DPP6: variants seen among roughly 807,000 people sequenced by gnomAD.
DPP6 encodes the protein dipeptidyl peptidase like 6.
A neutral mutation model predicts 122.6 loss-of-function variants in DPP6; 69 were observed. The ratio of observed to expected loss-of-function variants is 0.56; its 90% CI spans 0.46 to 0.69. The LOEUF (loss-of-function observed/expected upper bound fraction) is 0.69, where lower values mean the gene tolerates loss of function less well. Among genes scored for constraint, DPP6 ranks in the 30% least tolerant of loss-of-function variants. DPP6 has a pLI of 0.00. For missense variants in DPP6, 928 were observed against 1,116.9 expected, an observed-to-expected ratio of 0.83 and a Z score of 2.41; for synonymous variants, 418 against 433.1, an observed-to-expected ratio of 0.97 and a Z score of 0.43.
intron 1 of DPP6, among the ~76,000 whole-genome samples, chr7:154,353,224 A>G (rs1811014652): frequency 6.6e-6 from 1 of 152,228 alleles, no homozygotes; most frequent in African/African-American, 2.4e-5. Flanking sequence ...GGATTTGCTT[A>G]CTATTCAGTG....
At chr7:154,067,848 G>A (rs111317026) in intron 1 of DPP6, among the ~76,000 whole-genome samples, 9,691 of 150,220 alleles carry the variant, frequency 0.065, 1,022 homozygotes, top group African/African-American at 0.23. Flanking sequence ...GGGCTCAAGC[G>A]ATCTTCCTGC....
intron 1 of DPP6, among the ~76,000 whole-genome samples, chr7:154,184,497 C>G (rs183741921): frequency 6.6e-6 from 1 of 151,778 alleles, no homozygotes; most frequent in Non-Finnish European, 1.5e-5. Flanking sequence ...ACGTTGCTTC[C>G]GACACTGGTC....
At chr7:153,944,223 G>A (rs61456764) in intron 1 of DPP6, among the ~76,000 whole-genome samples, 2,941 of 152,276 alleles carry the variant, frequency 0.019, 91 homozygotes, top group African/African-American at 0.067. Flanking sequence ...TGTGTGCTCC[G>A]GCCCACCCTC....
chr7:154,677,542 C>T (rs1314080249), intron 7 of DPP6, among the ~76,000 whole-genome samples: 1 of 152,224 alleles, frequency 6.6e-6, no homozygotes, highest in Non-Finnish European at 1.5e-5. Flanking sequence ...AGAGCTTGCG[C>T]TTGAAACTCC....
chr7:154,653,975 G>GA (rs199798026), intron 6 of DPP6, among the ~76,000 whole-genome samples: 12 of 22,958 alleles, frequency 5.2e-4, no homozygotes, highest in Non-Finnish European at 1.8e-3. Context: ...CAAATACCTG[G>GA]AAAAAAAAAA....
the DPP6 span, among the ~76,000 whole-genome samples, chr7:153,826,273 G>T: frequency 6.6e-6 from 1 of 152,180 alleles, no homozygotes; most frequent in Non-Finnish European, 1.5e-5. Flanking sequence ...TTGGGAATGG[G>T]CCTCATAGGT....
intron 5 of DPP6, among the ~76,000 whole-genome samples, chr7:154,580,050 G>C (rs1378624085): frequency 6.6e-6 from 1 of 152,060 alleles, no homozygotes; most frequent in East Asian, 1.9e-4. Context: ...TGGGCAGGCT[G>C]AGTTTCCCGC....
At chr7:154,692,811 T>C (rs1392003368) in intron 7 of DPP6, among the ~76,000 whole-genome samples, 1 of 149,820 alleles carries the variant, frequency 6.7e-6, no homozygotes, top group Non-Finnish European at 1.5e-5. Context: ...AGACAGGGTC[T>C]CACTCTGTCA....
chr7:154,166,356 C>G (rs1407631268), intron 1 of DPP6, among the ~76,000 whole-genome samples: 5 of 152,120 alleles, frequency 3.3e-5, no homozygotes, highest in Admixed American at 3.3e-4. Context: ...CACCCGTGAG[C>G]CATCCTTCTC....
At chr7:154,362,461 C>T (rs1395955532) in intron 1 of DPP6, among the ~76,000 whole-genome samples, 1 of 152,156 alleles carries the variant, frequency 6.6e-6, no homozygotes, top group Admixed American at 6.5e-5. Context: ...GTTGCCCAGA[C>T]TGGAATGCAG....
intron 2 of DPP6, among the ~76,000 whole-genome samples, chr7:154,456,614 A>G (rs1397830710): frequency 6.6e-6 from 1 of 152,144 alleles, no homozygotes. Context: ...GATCCTGTTA[A>G]TGTTTTCTTT....
chr7:154,614,315 A>G (rs906752806), intron 5 of DPP6, among the ~76,000 whole-genome samples: 1 of 152,218 alleles, frequency 6.6e-6, no homozygotes, highest in African/African-American at 2.4e-5. Context: ...GTTAGAGGCT[A>G]TTTTAATGAA....
At chr7:154,818,682 C>T (rs1411807257) in intron 16 of DPP6, among the ~76,000 whole-genome samples, 3 of 152,152 alleles carry the variant, frequency 2.0e-5, no homozygotes, top group Admixed American at 6.5e-5. Context: ...AAGAAATTTA[C>T]CTCAGCTGCC....
At chr7:154,111,371 G>A (rs1806559851) in intron 1 of DPP6, among the ~76,000 whole-genome samples, 1 of 152,126 alleles carries the variant, frequency 6.6e-6, no homozygotes, top group Non-Finnish European at 1.5e-5. Context: ...GATAATAATG[G>A]TGTCTGTCTC....
chr7:153,834,314 G>A, the DPP6 span, among the ~76,000 whole-genome samples: 2 of 151,626 alleles, frequency 1.3e-5, no homozygotes, highest in Non-Finnish European at 2.9e-5. Flanking sequence ...TCTCCTCCTA[G>A]GAAAGATTAA....
At chr7:154,551,618 A>G (rs1829642643) in intron 4 of DPP6, among the ~76,000 whole-genome samples, 2 of 152,330 alleles carry the variant, frequency 1.3e-5, no homozygotes, top group East Asian at 3.9e-4. Flanking sequence ...CAGTTTAGAA[A>G]AAAACTTGTT....
intron 1 of DPP6, among the ~76,000 whole-genome samples, chr7:154,258,224 T>C (rs1802782317): frequency 6.6e-6 from 1 of 152,184 alleles, no homozygotes; most frequent in Non-Finnish European, 1.5e-5. Context: ...TCCAAGTGAC[T>C]CTTCCAGATT....
At chr7:154,622,417 G>C (rs1375608790) in intron 5 of DPP6, among the ~76,000 whole-genome samples, 1 of 152,184 alleles carries the variant, frequency 6.6e-6, no homozygotes, top group Non-Finnish European at 1.5e-5. Context: ...CTGCTTTTCT[G>C]CTTCAGCCTG....
intron 10 of DPP6, among the ~76,000 whole-genome samples, chr7:154,783,122 C>T (rs1448630551): frequency 1.3e-5 from 2 of 152,138 alleles, no homozygotes; most frequent in African/African-American, 4.8e-5. Context: ...ACCTGACTTG[C>T]CTCCTTAGAG....
Sources: gnomAD v4.1 joint callset for allele counts (sites outside exome capture counted in the v4.1 genomes callset) on GRCh38, gnomAD v4.1.1 for gene constraint, MANE v1.5 for transcripts, NCBI Gene and HGNC (gene_info 2026-07-23, HGNC 2026-07-21) for gene names.